Variants in WWOX observed in about 807,000 individuals in gnomAD.
WWOX encodes the protein WW domain-containing oxidoreductase.
In WWOX, 69 loss-of-function variants were observed where a neutral mutation model predicts 46.2. That is an observed-to-expected ratio of 1.49 (90% CI 1.23 to 1.82). WWOX has a LOEUF of 1.82. Among genes scored for constraint, WWOX ranks in the 40% most tolerant of loss-of-function variants. WWOX has a pLI of 0.00. For missense variants in WWOX, 919 were observed against 542.6 expected (o/e 1.69, Z -6.89); for synonymous variants, 359 against 202.6 (o/e 1.77, Z -6.56).
chr16:78,966,231 G>C (rs1296477316), intron 8 of WWOX, among the ~76,000 whole-genome samples: 2 of 152,194 alleles, frequency 1.3e-5, no homozygotes, highest in Non-Finnish European at 1.5e-5. Context: ...AAAGGCACTG[G>C]TTTAAGAGGC....
At chr16:78,685,049 T>A (rs1244659352) in intron 8 of WWOX, among the ~76,000 whole-genome samples, 1 of 152,166 alleles carries the variant, frequency 6.6e-6, no homozygotes. Context: ...TTTTTCTCTG[T>A]GCTGTTCACT....
intron 8 of WWOX, among the ~76,000 whole-genome samples, chr16:79,046,007 G>A (rs2150520352): frequency 6.6e-6 from 1 of 151,842 alleles, no homozygotes; most frequent in South Asian, 2.1e-4. Flanking sequence ...TCACCATGTT[G>A]GCCAGGCTGG....
intron 8 of WWOX, among the ~76,000 whole-genome samples, chr16:78,868,761 A>G (rs1287740831): frequency 2.6e-5 from 4 of 152,160 alleles, no homozygotes; most frequent in Admixed American, 2.6e-4. Flanking sequence ...ATATGTCTAA[A>G]ATTCACATGC....
chr16:78,550,612 T>C (rs1248588211), intron 8 of WWOX: 1 of 152,252 alleles, frequency 6.6e-6, no homozygotes, highest in Non-Finnish European at 1.5e-5. Flanking sequence ...ATTTTCATTT[T>C]TGTCTGACAT....
At chr16:78,324,008 C>A (rs543094221) in intron 5 of WWOX, among the ~76,000 whole-genome samples, 3 of 152,110 alleles carry the variant, frequency 2.0e-5, no homozygotes, top group African/African-American at 4.8e-5. Flanking sequence ...TTCACTTTCC[C>A]CTATGAGATT....
intron 8 of WWOX, among the ~76,000 whole-genome samples, chr16:78,882,126 C>T (rs536698625): frequency 8.5e-5 from 13 of 152,152 alleles, no homozygotes; most frequent in African/African-American, 2.9e-4. Flanking sequence ...AGTCCATTTA[C>T]AAAACAAAAA....
intron 8 of WWOX, among the ~76,000 whole-genome samples, chr16:78,622,303 G>T (rs1170243328): frequency 6.6e-6 from 1 of 151,992 alleles, no homozygotes; most frequent in Non-Finnish European, 1.5e-5. Flanking sequence ...AGCACTTTGG[G>T]ACGCCGAGGC....
intron 2 of WWOX, among the ~76,000 whole-genome samples, chr16:78,109,434 G>A (rs938397978): frequency 2.6e-5 from 4 of 152,174 alleles, no homozygotes; most frequent in African/African-American, 9.7e-5. Context: ...TGAGGTCAGC[G>A]TATGAATGAC....
intron 5 of WWOX, chr16:78,278,771 G>A (rs2079626295): frequency 1.0e-6 from 1 of 986,670 alleles, no homozygotes; most frequent in South Asian, 1.5e-5. Context: ...TGACAGACAT[G>A]TACGATTTGC....
intron 8 of WWOX, among the ~76,000 whole-genome samples, chr16:78,808,742 G>GCA: frequency 6.6e-6 from 1 of 152,126 alleles, no homozygotes; most frequent in African/African-American, 2.4e-5. Flanking sequence ...CGTCAAAGAT[G>GCA]AGTAAATTGA....
chr16:78,668,367 TC>T (rs1485461874), intron 8 of WWOX, among the ~76,000 whole-genome samples: 2 of 152,182 alleles, frequency 1.3e-5, no homozygotes, highest in Non-Finnish European at 2.9e-5. Context: ...TCTTGGGAAT[TC>T]CGTAAGTACT....
At position 78,238,202 on chromosome 16, in the gene WWOX, AC is replaced by A. The variant is rs201991048; in HGVS notation, c.516+73914del. ...ACCCAAAGAGATCTGAAAAGCAAAA[AC>A]AAATTTATTGTATATTTATAGCAAA... On this transcript the variant is annotated intron_variant, in intron 5 of 8. Transcript: ENST00000566780. 2.0e-5 allele frequency: 3 copies of A among 150,272 alleles called. No homozygotes were observed. The South Asian group carries it at 6.3e-4, about 31-fold the overall frequency. 9.3% of individuals were successfully genotyped at this position (150,272 alleles called of 1,614,324 possible).
At chr16:78,545,760 T>A (rs899257205) in intron 8 of WWOX, among the ~76,000 whole-genome samples, 1 of 152,168 alleles carries the variant, frequency 6.6e-6, no homozygotes, top group African/African-American at 2.4e-5. Flanking sequence ...AAGACAAAGT[T>A]GCTGGCAGGG....
At chr16:78,844,888 T>G (rs1275162710) in intron 8 of WWOX, among the ~76,000 whole-genome samples, 1 of 152,170 alleles carries the variant, frequency 6.6e-6, no homozygotes, top group East Asian at 1.9e-4. Flanking sequence ...TACACCAAAG[T>G]GGCCAGAGCT....
At chr16:78,810,891 A>C (rs532140378) in intron 8 of WWOX, among the ~76,000 whole-genome samples, 1 of 152,248 alleles carries the variant, frequency 6.6e-6, no homozygotes, top group Non-Finnish European at 1.5e-5. Flanking sequence ...CAGAAGAGAC[A>C]GTAATGCTGT....
At chr16:78,807,226 C>G (rs1470088445) in intron 8 of WWOX, among the ~76,000 whole-genome samples, 2 of 152,186 alleles carry the variant, frequency 1.3e-5, no homozygotes, top group East Asian at 1.9e-4. Flanking sequence ...GAATTTTCCA[C>G]TGAGTCGCAA....
intron 8 of WWOX, among the ~76,000 whole-genome samples, chr16:78,868,102 T>C (rs950865323): frequency 1.6e-4 from 24 of 152,238 alleles, no homozygotes; most frequent in African/African-American, 5.1e-4. Context: ...GCATCATCCA[T>C]GATAGCCAAA....
intron 6 of WWOX, among the ~76,000 whole-genome samples, chr16:78,417,093 G>T (rs1433721386): frequency 1.3e-5 from 2 of 148,374 alleles, no homozygotes; most frequent in East Asian, 2.0e-4. Flanking sequence ...TTGAGACAGG[G>T]TGTTGCTCTT....
At chr16:78,140,811 C>A (rs1197376110) in intron 4 of WWOX, among the ~76,000 whole-genome samples, 1 of 152,150 alleles carries the variant, frequency 6.6e-6, no homozygotes, top group Non-Finnish European at 1.5e-5. Context: ...TTCAACATAT[C>A]TTTTTGGGGG....
Sources: allele counts gnomAD v4.1 joint callset (sites outside exome capture counted in the v4.1 genomes callset), GRCh38; gene constraint gnomAD v4.1.1; transcripts MANE v1.5; gene names NCBI Gene and HGNC (gene_info 2026-07-23, HGNC 2026-07-21).